The following ADGRL4 variants were observed in gnomAD, a reference collection of about 807,000 sequenced individuals.
The protein encoded by ADGRL4 is adhesion G protein-coupled receptor L4.
ADGRL4 carries 90 observed loss-of-function variants against 74.8 expected under a neutral mutation model. The ratio of observed to expected loss-of-function variants is 1.20; its 90% confidence interval spans 1.02 to 1.43. The LOEUF is 1.43. Ranked by LOEUF, ADGRL4 falls within the 40% of genes most tolerant of loss-of-function variation. The pLI is 0.00. For missense variants in ADGRL4, 881 were observed against 814.3 expected (o/e 1.08, Z -1.00); for synonymous variants, 311 against 279.2 (o/e 1.11, Z -1.14).
At chr1:78,968,914 T>C (rs1213605825) in intron 2 of ADGRL4, among the ~76,000 whole-genome samples, 4 of 152,236 alleles carry the variant, frequency 2.6e-5, no homozygotes, top group Non-Finnish European at 4.4e-5. Flanking sequence ...ATTTTAATAT[T>C]GGAATAAAGG....
intron 2 of ADGRL4, among the ~76,000 whole-genome samples, chr1:78,962,757 T>G (rs1034987697): frequency 1.3e-5 from 2 of 152,278 alleles, no homozygotes; most frequent in Admixed American, 1.3e-4. Context: ...TTTTTTCATC[T>G]TCAGGTAACA....
At chr1:78,989,471 AT>A (rs1650560659) in intron 2 of ADGRL4, among the ~76,000 whole-genome samples, 2 of 149,728 alleles carry the variant, frequency 1.3e-5, no homozygotes, top group East Asian at 2.2e-4. Context: ...ATAAATTTTT[AT>A]TTTGTTTTTT....
intron 2 of ADGRL4, among the ~76,000 whole-genome samples, chr1:78,979,700 A>G (rs1004871240): frequency 2.0e-5 from 3 of 152,000 alleles, no homozygotes; most frequent in African/African-American, 7.2e-5. Context: ...TGTATACACC[A>G]TGGAATACTA....
chr1:78,921,075 A>C (rs1281646464), intron 9 of ADGRL4, among the ~76,000 whole-genome samples: 4 of 151,846 alleles, frequency 2.6e-5, no homozygotes, highest in Non-Finnish European at 4.4e-5. Flanking sequence ...AAATTATGTG[A>C]TAAATATACA....
intron 2 of ADGRL4, among the ~76,000 whole-genome samples, chr1:79,001,177 G>C (rs12727703): frequency 6.9e-5 from 1 of 14,510 alleles, no homozygotes; most frequent in African/African-American, 2.9e-4. Flanking sequence ...GAAGGGAGAG[G>C]GGGGGGAGGG....
rs376535985 is a variant in ADGRL4, at chr1:78,937,850, G to A, written c.717C>T (p.Ser239=). The change falls in exon 6 of 15, where the codon AGC becomes AGT. Residue 239 remains serine, a synonymous_variant. Transcript: ENST00000370742. ...TATCAAACTCTGTGGTCTTTTGGAA[G>A]CTCTGGGATATCCTTAAAGTAGCTT... The part of the protein sequence containing the change: ...VEQATLRISQ[S]FQKTTEFDTN... 7 of 1,613,654 alleles carry A rather than the reference G, an allele frequency of 4.3e-6. No individual in the cohort carries two copies. In the African/African-American group the frequency reaches 5.3e-5, roughly 12 times the overall value.
intron 12 of ADGRL4, among the ~76,000 whole-genome samples, chr1:78,901,885 C>T (rs1454841275): frequency 6.6e-6 from 1 of 152,120 alleles, no homozygotes; most frequent in African/African-American, 2.4e-5. Context: ...TATTTCTCTG[C>T]TGAGGTTACC....
intron 8 of ADGRL4, among the ~76,000 whole-genome samples, chr1:78,923,870 C>G (rs992543556): frequency 2.0e-5 from 3 of 151,594 alleles, no homozygotes; most frequent in Admixed American, 6.6e-5. Context: ...CTAAGAGGAA[C>G]AGAAAAAGAG....
At chr1:78,932,808 A>T (rs1046444078) in intron 7 of ADGRL4, among the ~76,000 whole-genome samples, 1 of 151,480 alleles carries the variant, frequency 6.6e-6, no homozygotes, top group African/African-American at 2.5e-5. Context: ...TCATGCAAAA[A>T]AACTAGAATA....
At chr1:78,898,123 T>C (rs76770906) in intron 12 of ADGRL4, among the ~76,000 whole-genome samples, 1 of 152,192 alleles carries the variant, frequency 6.6e-6, no homozygotes, top group East Asian at 1.9e-4. Flanking sequence ...AAAAGGAGGA[T>C]AAAGAATTAG....
rs933711863 is a variant in ADGRL4, at chr1:78,889,847, A to G, written c.*1307T>C. 1.7e-5 allele frequency: 8 copies of G among 464,362 alleles called. No homozygotes were observed. Among genetic ancestry groups the G allele is most frequent in the African/African-American group, 1.6e-4 (8 of 49,828 alleles). 28.8% of individuals were successfully genotyped at this position (464,362 alleles called of 1,614,324 possible). On this transcript the variant is annotated 3_prime_UTR_variant, in exon 15 of 15. Coordinates refer to ENST00000370742, the MANE Select transcript of ADGRL4 (RefSeq NM_022159.4). ...CTGGAGGAATTAATTTAAAATCACA[A>G]ATTTAGTGTATTGGCACACTTTTAC...
In ADGRL4 at chr1:78,921,694, T is replaced by A; in HGVS notation, c.1176A>T (p.Thr392=). ...ATGAGGTGTGGGTCTCATTTGAGTA[T>A]GTCAGCTCACAGCCCTCTGAAGACC... is the stretch of plus-strand genomic sequence containing the variant. ...GSWSSEGCEL[T]YSNETHTSCR... Residue 392 remains threonine, a synonymous_variant, in exon 9 of 15, where the codon ACA becomes ACT. Transcript: ENST00000370742. 1 of 1,604,516 alleles carries A rather than the reference T, an allele frequency of 6.2e-7. No individual in the cohort carries two copies. Among genetic ancestry groups the A allele is most frequent in the Non-Finnish European group, 8.5e-7 (1 of 1,175,442 alleles).
At chr1:78,962,186 G>A (rs982766645) in intron 2 of ADGRL4, among the ~76,000 whole-genome samples, 1 of 152,056 alleles carries the variant, frequency 6.6e-6, no homozygotes, top group Admixed American at 6.6e-5. Flanking sequence ...CGGCCTTCCA[G>A]GCTATAATTA....
chr1:78,915,618 C>T (rs559626655), intron 12 of ADGRL4, among the ~76,000 whole-genome samples: 10 of 151,986 alleles, frequency 6.6e-5, no homozygotes, highest in Admixed American at 2.6e-4. Flanking sequence ...AGTCCTCTCA[C>T]GGGGCTATAG....
At chr1:78,971,988 T>C (rs1175934890) in intron 2 of ADGRL4, among the ~76,000 whole-genome samples, 1 of 151,980 alleles carries the variant, frequency 6.6e-6, no homozygotes, top group Non-Finnish European at 1.5e-5. Flanking sequence ...CTCCTGACCT[T>C]AGGTGATGCA....
Position 78,889,849 on chromosome 1 carries a change from T to G in ADGRL4, c.*1305A>C. On this transcript the variant is annotated 3_prime_UTR_variant, in exon 15 of 15. Transcript: ENST00000370742. ...GGAGGAATTAATTTAAAATCACAAA[T>G]TTAGTGTATTGGCACACTTTTACAG... The G allele has an allele frequency of 2.1e-6, 1 of 465,206 alleles. No homozygotes were observed. Among genetic ancestry groups the G allele is most frequent in the South Asian group, 1.6e-5 (1 of 63,312 alleles). The allele number at this position is 465,206 out of a possible 1,614,324, so 28.8% of individuals were successfully genotyped here. A position where few individuals can be genotyped will look rare whatever the true frequency, so the allele number is the denominator to read the frequency against.
At chr1:78,999,679 GT>G (rs1650797516) in intron 2 of ADGRL4, among the ~76,000 whole-genome samples, 1 of 152,128 alleles carries the variant, frequency 6.6e-6, no homozygotes, top group African/African-American at 2.4e-5. Context: ...CAGTCACCGT[GT>G]TCACTTTGCA....
chr1:78,961,883 CTTT>C (rs775816289), intron 2 of ADGRL4, among the ~76,000 whole-genome samples: 3 of 138,690 alleles, frequency 2.2e-5, no homozygotes, highest in Non-Finnish European at 1.6e-5. Context: ...GGCTATAATT[CTTT>C]TTTTTTTTTT....
rs1182626722 is a variant in ADGRL4 at position 78,918,050 on chromosome 1, G to A, written c.1462C>T (p.Leu488Phe). 6.4e-7 allele frequency: 1 copy of A among 1,559,904 alleles called. No individual in the cohort carries two copies. Among genetic ancestry groups the A allele is most frequent in the South Asian group, 1.2e-5 (1 of 82,750 alleles). The change falls in exon 11 of 15, where the codon CTC becomes TTC. Residue 488 changes from leucine (L) to phenylalanine (F), a missense_variant and splice_region_variant. Physicochemically the swap from Leu to Phe is conservative, Grantham distance 22. Coordinates refer to ENST00000370742, the MANE Select transcript of ADGRL4 (RefSeq NM_022159.4). ...LVGINTNTNK[L>F]FCSIIAGLLH... Reference sequence around the variant, plus strand: ...AGTCCGGCAATGATTGAACAGAAGAGCTAGAAATCAAAGAAAAAAAAAAAA... The same window carrying A: ...AGTCCGGCAATGATTGAACAGAAGAACTAGAAATCAAAGAAAAAAAAAAAA...
Sources: allele counts gnomAD v4.1 joint callset (sites outside exome capture counted in the v4.1 genomes callset), GRCh38; gene constraint gnomAD v4.1.1; transcripts MANE v1.5; gene names NCBI Gene and HGNC (gene_info 2026-07-23, HGNC 2026-07-21).